Variants in TRIM66 observed in about 807,000 individuals in gnomAD.
The protein encoded by TRIM66 is tripartite motif-containing protein 66.
TRIM66 carries 99 observed loss-of-function variants against 148.2 expected under a neutral mutation model. The observed-to-expected ratio is 0.67, with a 90% CI of 0.57 to 0.79. The LOEUF (loss-of-function observed/expected upper bound fraction) is 0.79, where lower values mean the gene tolerates loss of function less well. Ranked by LOEUF, TRIM66 falls within the 30% of genes least tolerant of loss-of-function variation. The pLI is 0.00. For synonymous variants in TRIM66, 616 were observed against 635.9 expected, an observed-to-expected ratio of 0.97 and a Z score of 0.47; for missense variants, 1,666 against 1,697.9, an observed-to-expected ratio of 0.98 and a Z score of 0.33.
chr11:8,638,997 G>A (rs1026518946), intron 14 of TRIM66, among the ~76,000 whole-genome samples, 182 bp from the exon 15 acceptor site: 3 of 152,158 alleles, frequency 2.0e-5, no homozygotes, highest in Non-Finnish European at 2.9e-5. Context: ...AAGACTACAC[G>A]CTAATGGGAA....
At chr11:8,658,836 C>T (rs1749882801) in intron 6 of TRIM66, 1 of 983,926 alleles carries the variant, frequency 1.0e-6, no homozygotes, top group Non-Finnish European at 1.2e-6. Context: ...TGAAATCTGT[C>T]TCCTACATAC....
rs995036797 is a variant in TRIM66 at position 8,640,819 on chromosome 11, G to A, written c.1556C>T (p.Ala519Val). 7.7e-6 allele frequency: 12 copies of A among 1,550,580 alleles called. No individual in the cohort carries two copies. In the African/African-American group the frequency reaches 1.5e-4, roughly 19 times the overall value. ...CAGCTTTGGTGGATGAGGGCTGCAGGCCAGCTCTTTCTCCCTGGGCAGCAG... is the reference window on the plus strand; with the variant it reads ...CAGCTTTGGTGGATGAGGGCTGCAGACCAGCTCTTTCTCCCTGGGCAGCAG... ...SALLPREKEL[A>V]CSPHPPKLLQ... Residue 519 changes from alanine to valine, a missense_variant, in exon 14 of 25, where the codon GCC becomes GTC. Ala to Val is a moderately conservative substitution (Grantham distance 64). Around this residue, in one of 3 missense-constraint regions of TRIM66, gnomAD observed 1,431 missense variants for 1,412.4 expected, o/e 1.01. Coordinates refer to ENST00000646038, the MANE Select transcript of TRIM66 (RefSeq NM_001388022.1).
chr11:8,651,549 A>G (rs947428997), intron 7 of TRIM66, among the ~76,000 whole-genome samples: 3 of 152,234 alleles, frequency 2.0e-5, no homozygotes, highest in African/African-American at 7.2e-5. Context: ...ATCTTAACTT[A>G]CATTCACCTT....
At position 8,671,916 on chromosome 11, in the gene TRIM66, C is replaced by T; in HGVS notation, c.210G>A (p.Leu70=). 1 of 1,536,150 alleles carries T rather than the reference C, an allele frequency of 6.5e-7. No homozygotes were observed. Residue 70 remains leucine (L), a synonymous_variant, in exon 6 of 25, where the codon TTG becomes TTA. Coordinates refer to ENST00000646038, the MANE Select transcript of TRIM66 (RefSeq NM_001388022.1). ...CCATACCTGGCAGGTCCTGATGGCA[C>T]AATGAGCAGGTCATTACCATGGCCT... The part of the protein sequence containing the change: ...QMEAMVMTCS[L]CHQDLPGMGS...
At chr11:8,668,581 T>C (rs2133458398) in intron 6 of TRIM66, among the ~76,000 whole-genome samples, 1 of 150,266 alleles carries the variant, frequency 6.7e-6, no homozygotes, top group Middle Eastern at 3.4e-3. Flanking sequence ...ATTCCTTTTA[T>C]TTTTATTTAT....
Position 8,617,155 on chromosome 11 carries a change from C to T in TRIM66, c.*789G>A, listed in dbSNP as rs1402968693. 1 of 152,130 alleles carries T rather than the reference C, an allele frequency of 6.6e-6. No individual in the cohort carries two copies. The highest frequency in any genetic ancestry group is 1.5e-5 in the Non-Finnish European group (1 of 68,044). 9.4% of individuals were successfully genotyped at this position (152,130 alleles called of 1,614,324 possible). ...CTCACCCTAAAGAAGTGTGATTAGC[C>T]CAGAGTAAGTAGCACAGAGGGCGGG... is the stretch of plus-strand genomic sequence containing the variant. On this transcript the variant is annotated 3_prime_UTR_variant, in exon 25 of 25. Transcript: ENST00000646038.
chr11:8,633,097 A>G (rs1241947726), intron 15 of TRIM66, among the ~76,000 whole-genome samples: 3 of 152,224 alleles, frequency 2.0e-5, no homozygotes, highest in Non-Finnish European at 4.4e-5. Context: ...TTGGAGACTC[A>G]GGAGAATTTG....
intron 6 of TRIM66, among the ~76,000 whole-genome samples, chr11:8,660,859 A>G (rs2038201064): frequency 6.6e-6 from 1 of 152,240 alleles, no homozygotes. Context: ...TCATAAATGG[A>G]GAATTATAGA....
chr11:8,637,035 C>G (rs1321255807), intron 15 of TRIM66, among the ~76,000 whole-genome samples: 1 of 152,180 alleles, frequency 6.6e-6, no homozygotes, highest in Non-Finnish European at 1.5e-5. Context: ...CCCCTCTACC[C>G]TTCACTAGCC....
chr11:8,641,028 G>C lies in TRIM66; in HGVS notation c.1347C>G (p.Ser449Arg), dbSNP rs1245690642. ...GAGACTGGAACTTGTGTGAGGGGTG[G>C]CTAAGAGCCTCTTGCTGAGCCACTG... The part of the protein sequence containing the change: ...QSPVAQQEAL[S>R]HPSHKFQSPA... Residue 449 changes from serine to arginine, a missense_variant, in exon 14 of 25, where the codon AGC (serine) becomes AGG (arginine). By Grantham distance (110) the Ser-to-Arg change is moderately radical. Around this residue, in one of 3 missense-constraint regions of TRIM66, gnomAD observed 1,431 missense variants for 1,412.4 expected, o/e 1.01. Transcript: ENST00000646038. 5.8e-6 allele frequency: 9 copies of C among 1,551,516 alleles called. No individual in the cohort carries two copies. Among genetic ancestry groups the C allele is most frequent in the Non-Finnish European group, 7.0e-6 (8 of 1,146,998 alleles).
Position 8,682,582 on chromosome 11 carries a change from C to G in TRIM66, c.-548+19G>C. The G allele has an allele frequency of 5.0e-6, 3 of 597,728 alleles. No individual in the cohort carries two copies. The highest frequency in any genetic ancestry group is 9.0e-6 in the Non-Finnish European group (3 of 334,730). The allele number at this position is 597,728 out of a possible 1,614,324, so 37.0% of individuals were successfully genotyped here. A position where few individuals can be genotyped will look rare whatever the true frequency, so the allele number is the denominator to read the frequency against. On this transcript the variant is annotated intron_variant, in intron 1 of 24. Coordinates refer to ENST00000646038, the MANE Select transcript of TRIM66 (RefSeq NM_001388022.1). ...CTTCAACAGTTCTCGCCCTCCGAGCCTAGCACAACGAGCCTCACCGAAACC... is the reference window on the plus strand; with the variant it reads ...CTTCAACAGTTCTCGCCCTCCGAGCGTAGCACAACGAGCCTCACCGAAACC...
chr11:8,642,832 C>G lies in TRIM66; in HGVS notation c.1222+177G>C, dbSNP rs367842556. Reference sequence around the variant, plus strand: ...CTGTTATTTAATTCCTCATCCTCTCCTCTTCCCCCTCAAAAAAAAAAAAAA... The same window carrying G: ...CTGTTATTTAATTCCTCATCCTCTCGTCTTCCCCCTCAAAAAAAAAAAAAA... On this transcript the variant is annotated intron_variant, in intron 13 of 24. Transcript: ENST00000646038. Among the ~76,000 whole-genome samples, 208 of 131,710 alleles carry G rather than the reference C, an allele frequency of 1.6e-3. 1 individual carries two copies. Among genetic ancestry groups the G allele is most frequent in the African/African-American group, 5.8e-3 (198 of 34,394 alleles). 86.4% of individuals were successfully genotyped at this position (131,710 alleles called of 152,430 possible).
rs1189090535 is a variant in TRIM66 at position 8,671,807 on chromosome 11, C to A, written c.319G>T (p.Ala107Ser). The A allele has an allele frequency of 4.1e-6, 6 of 1,466,898 alleles. No individual in the cohort carries two copies. Among genetic ancestry groups the A allele is most frequent in the Non-Finnish European group, 5.5e-6 (6 of 1,083,660 alleles). 90.9% of individuals were successfully genotyped at this position (1,466,898 alleles called of 1,614,324 possible). Reference protein sequence around the residue: ...LIQELGQIAKAHETVADELIS... With the variant: ...LIQELGQIAKSHETVADELIS... ...TTACCATCTGCAACAGTCTCATGAG[C>A]CTTGGCAATCTGCCCTAGCTCCTGT... Residue 107 changes from alanine (A) to serine (S), a missense_variant, in exon 6 of 25, where the codon GCT becomes TCT. By Grantham distance (99) the Ala-to-Ser change is moderately conservative. Around this residue, in one of 3 missense-constraint regions of TRIM66, gnomAD observed 1,431 missense variants for 1,412.4 expected, o/e 1.01. Transcript: ENST00000646038.
In TRIM66 at chr11:8,682,634, A is replaced by T. The variant is rs977844588; in HGVS notation, c.-581T>A. On this transcript the variant is annotated 5_prime_UTR_variant, in exon 1 of 25. Transcript: ENST00000646038. ...TACACCGCCACCAGGACACTCCGTG[A>T]TGGGGGATCACCACCCTCAGAAAGA... is the stretch of plus-strand genomic sequence containing the variant. 5 of 702,628 alleles carry T rather than the reference A, an allele frequency of 7.1e-6. No individual in the cohort carries two copies. The highest frequency in any genetic ancestry group is 1.3e-5 in the Non-Finnish European group (5 of 393,152). 43.5% of individuals were successfully genotyped at this position (702,628 alleles called of 1,614,324 possible). A position where few individuals can be genotyped will look rare whatever the true frequency, so the allele number is the denominator to read the frequency against.
intron 4 of TRIM66, among the ~76,000 whole-genome samples, 155 bp from the exon 5 acceptor site, chr11:8,672,540 G>A (rs1025378815): frequency 1.3e-5 from 2 of 152,058 alleles, no homozygotes; most frequent in African/African-American, 4.8e-5. Flanking sequence ...GAGAGGCTGG[G>A]TCACGCACAA....
chr11:8,622,975 C>T (rs1446863086), intron 17 of TRIM66, 99 bp from the exon 18 acceptor site: 1 of 1,061,334 alleles, frequency 9.4e-7, no homozygotes, highest in Non-Finnish European at 1.4e-6. Context: ...TACCTTTGGC[C>T]ACACATCTGT....
At chr11:8,624,665 C>A (rs1419772861) in intron 16 of TRIM66, 48 bp downstream of exon 16, 3 of 1,476,492 alleles carry the variant, frequency 2.0e-6, no homozygotes, top group Non-Finnish European at 2.7e-6. Flanking sequence ...CAATCTTTTG[C>A]CCAATGATGA....
At chr11:8,660,438 C>T (rs926995706) in intron 6 of TRIM66, among the ~76,000 whole-genome samples, 12 of 152,200 alleles carry the variant, frequency 7.9e-5, no homozygotes, top group Admixed American at 3.3e-4. Context: ...CCAATTTCCC[C>T]AGACAGAACC....
At chr11:8,642,985 C>T in intron 13 of TRIM66, 24 bp downstream of exon 13, 1 of 1,527,250 alleles carries the variant, frequency 6.5e-7, no homozygotes, top group Non-Finnish European at 8.8e-7. Flanking sequence ...GTGGGTAGGC[C>T]TGGGTGGGTG....
Sources: gnomAD v4.1 joint callset for allele counts (sites outside exome capture counted in the v4.1 genomes callset) on GRCh38, gnomAD v4.1.1 for gene constraint, gnomAD v4.1.1 regional missense constraint, MANE v1.5 for transcripts, NCBI Gene and HGNC (gene_info 2026-07-23, HGNC 2026-07-21) for gene names.